The following PDE4D variants were observed in gnomAD, a reference collection of about 807,000 sequenced individuals.
The protein encoded by PDE4D is phosphodiesterase 4D, also known as 3',5'-cyclic-AMP phosphodiesterase 4D.
Under a neutral mutation model 87.4 loss-of-function variants are expected in PDE4D, and 24 were observed. The observed-to-expected ratio is 0.27, with a 90% confidence interval of 0.20 to 0.39. The LOEUF (loss-of-function observed/expected upper bound fraction) is 0.39, where lower values mean the gene tolerates loss of function less well. Ranked by LOEUF, PDE4D falls within the 10% of genes least tolerant of loss-of-function variation. The probability of loss-of-function intolerance (pLI) is 1.00; values close to 1 mark genes in which losing one functional copy is unlikely to be tolerated. For missense variants in PDE4D, 714 were observed against 1,041.0 expected, an observed-to-expected ratio of 0.69 and a Z score of 4.32; for synonymous variants, 384 against 383.2, an observed-to-expected ratio of 1.00 and a Z score of -0.02.
intron 8 of PDE4D, among the ~76,000 whole-genome samples, chr5:58,991,283 T>C (rs1274377499): frequency 1.1e-5 from 1 of 92,316 alleles, no homozygotes; most frequent in Non-Finnish European, 2.5e-5. Flanking sequence ...GGCGAGACTA[T>C]GTCTCAAAAC....
chr5:59,602,467 T>G (rs908299970), intron 1 of PDE4D, among the ~76,000 whole-genome samples: 2 of 151,970 alleles, frequency 1.3e-5, no homozygotes, highest in African/African-American at 2.4e-5. Context: ...AGCAGCGAAC[T>G]ATCTGAAAAA....
At chr5:60,214,369 T>G (rs1743601453) in intron 1 of PDE4D, among the ~76,000 whole-genome samples, 1 of 152,246 alleles carries the variant, frequency 6.6e-6, no homozygotes, top group African/African-American at 2.4e-5. Flanking sequence ...TTCTCTTGTG[T>G]TATCTTCAAT....
At chr5:60,355,876 G>GC (rs1561157811) in intron 1 of PDE4D, among the ~76,000 whole-genome samples, 1 of 152,004 alleles carries the variant, frequency 6.6e-6, no homozygotes, top group Non-Finnish European at 1.5e-5. Flanking sequence ...GAAGAGAAGG[G>GC]GTTGGTCTTA....
chr5:59,227,077 G>C (rs1240499603), intron 1 of PDE4D, among the ~76,000 whole-genome samples: 2 of 152,152 alleles, frequency 1.3e-5, no homozygotes, highest in East Asian at 1.9e-4. Flanking sequence ...GAATAACTCA[G>C]TTTTATTTTC....
intron 1 of PDE4D, among the ~76,000 whole-genome samples, chr5:59,459,455 C>A (rs113354248): frequency 6.6e-6 from 1 of 152,264 alleles, no homozygotes; most frequent in African/African-American, 2.4e-5. Flanking sequence ...TTGCCTTGAA[C>A]CCTAACTCTG....
At chr5:59,331,173 T>C (rs1776662631) in intron 1 of PDE4D, among the ~76,000 whole-genome samples, 1 of 152,210 alleles carries the variant, frequency 6.6e-6, no homozygotes, top group Non-Finnish European at 1.5e-5. Flanking sequence ...AAAATACAAA[T>C]AATACTTGCT....
At chr5:60,207,906 C>A (rs1420174957) in intron 1 of PDE4D, among the ~76,000 whole-genome samples, 2 of 152,124 alleles carry the variant, frequency 1.3e-5, no homozygotes, top group African/African-American at 2.4e-5. Flanking sequence ...AATTTTGACC[C>A]AAACTTAAAT....
chr5:59,373,400 A>G (rs1031352259), intron 1 of PDE4D, among the ~76,000 whole-genome samples: 3 of 152,252 alleles, frequency 2.0e-5, no homozygotes, highest in Admixed American at 2.0e-4. Flanking sequence ...CTAATAACAG[A>G]ACAGCCTAAG....
intron 1 of PDE4D, among the ~76,000 whole-genome samples, chr5:59,465,620 T>A (rs767801351): frequency 6.6e-6 from 1 of 152,196 alleles, no homozygotes; most frequent in South Asian, 2.1e-4. Context: ...ACATCCAGCA[T>A]GAAACCAGGA....
chr5:59,393,675 G>C (rs553904518), intron 1 of PDE4D, among the ~76,000 whole-genome samples: 1 of 152,152 alleles, frequency 6.6e-6, no homozygotes, highest in African/African-American at 2.4e-5. Context: ...AATCCTCTGA[G>C]AAAAAAGAAA....
intron 1 of PDE4D, among the ~76,000 whole-genome samples, chr5:59,436,590 A>T (rs1171718754): frequency 6.6e-6 from 1 of 152,202 alleles, no homozygotes; most frequent in Non-Finnish European, 1.5e-5. Flanking sequence ...AAGTTAAAGA[A>T]CATAAAATCC....
At chr5:59,508,993 G>T (rs1264514376) in intron 1 of PDE4D, among the ~76,000 whole-genome samples, 3 of 151,860 alleles carry the variant, frequency 2.0e-5, no homozygotes, top group Non-Finnish European at 4.4e-5. Context: ...AAAAGGAATG[G>T]CAACGAGGCA....
chr5:60,320,403 G>A (rs1042223514), intron 1 of PDE4D, among the ~76,000 whole-genome samples: 4 of 152,204 alleles, frequency 2.6e-5, no homozygotes, highest in African/African-American at 9.6e-5. Flanking sequence ...GACTAGGAAA[G>A]GGAATTCCCT....
intron 3 of PDE4D, among the ~76,000 whole-genome samples, chr5:59,983,153 C>T (rs532710539): frequency 3.3e-5 from 5 of 152,246 alleles, no homozygotes; most frequent in African/African-American, 1.2e-4. Context: ...GGCCATCAGC[C>T]ACCATAAGCA....
At chr5:59,844,214 TAA>T (rs1743488221) in intron 1 of PDE4D, among the ~76,000 whole-genome samples, 1 of 152,204 alleles carries the variant, frequency 6.6e-6, no homozygotes, top group South Asian at 2.1e-4. Flanking sequence ...ATTATTATTA[TAA>T]GAGAATACAT....
intron 1 of PDE4D, among the ~76,000 whole-genome samples, chr5:59,329,984 A>T (rs1389064823): frequency 6.6e-6 from 1 of 152,244 alleles, no homozygotes; most frequent in Non-Finnish European, 1.5e-5. Context: ...ATTATGGAGC[A>T]TTATTAAGTG....
intron 2 of PDE4D, among the ~76,000 whole-genome samples, chr5:60,066,811 T>A (rs879381256): frequency 6.6e-6 from 1 of 152,138 alleles, no homozygotes; most frequent in Admixed American, 6.6e-5. Flanking sequence ...TCCTGAGACA[T>A]AGTGAAAAGG....
chr5:59,769,039 C>T (rs1215974269), intron 1 of PDE4D, among the ~76,000 whole-genome samples: 1 of 151,698 alleles, frequency 6.6e-6, no homozygotes, highest in Non-Finnish European at 1.5e-5. Flanking sequence ...AGTCCACGTT[C>T]ATAAAAGAAA....
At chr5:59,505,319 T>C (rs1263589142) in intron 1 of PDE4D, among the ~76,000 whole-genome samples, 1 of 152,162 alleles carries the variant, frequency 6.6e-6, no homozygotes, top group East Asian at 1.9e-4. Flanking sequence ...CTAGAATTTG[T>C]TCAAACAGCA....
Sources: gnomAD v4.1 joint callset for allele counts (sites outside exome capture counted in the v4.1 genomes callset) on GRCh38, gnomAD v4.1.1 for gene constraint, MANE v1.5 for transcripts, NCBI Gene and HGNC (gene_info 2026-07-23, HGNC 2026-07-21) for gene names.